GNAO1: variants seen among roughly 807,000 people sequenced by gnomAD.
GNAO1 encodes the protein guanine nucleotide-binding protein G(o) subunit alpha.
For missense variants in GNAO1, 166 were observed against 478.7 expected, an observed-to-expected ratio of 0.35 and a Z score of 6.10; for synonymous variants, 164 against 180.7, an observed-to-expected ratio of 0.91 and a Z score of 0.74.
chr16:56,320,727 C>T (rs1384627743), intron 3 of GNAO1, among the ~76,000 whole-genome samples: 1 of 152,192 alleles, frequency 6.6e-6, no homozygotes, highest in Non-Finnish European at 1.5e-5. Flanking sequence ...ACCCATCCCA[C>T]CTGCACCTAT....
At chr16:56,243,594 A>C (rs1305192222) in intron 2 of GNAO1, among the ~76,000 whole-genome samples, 2 of 152,248 alleles carry the variant, frequency 1.3e-5, no homozygotes, top group African/African-American at 2.4e-5. Context: ...CATCAGGGAA[A>C]TGGATGGAGA....
intron 2 of GNAO1, among the ~76,000 whole-genome samples, chr16:56,244,768 G>A (rs780295782): frequency 3.3e-5 from 5 of 152,148 alleles, no homozygotes; most frequent in Admixed American, 2.6e-4. Context: ...GGGCTGGCCA[G>A]TATAGCCAAG....
chr16:56,343,329 AAATAATAATAAT>A (rs59805466), intron 6 of GNAO1, among the ~76,000 whole-genome samples: 1 of 146,782 alleles, frequency 6.8e-6, no homozygotes, highest in Non-Finnish European at 1.5e-5. Context: ...TCTGTATTAA[AAATAATAATAAT>A]AATAATAATA....
intron 2 of GNAO1, among the ~76,000 whole-genome samples, chr16:56,240,384 G>T (rs896339856): frequency 6.6e-6 from 1 of 152,152 alleles, no homozygotes; most frequent in Non-Finnish European, 1.5e-5. Flanking sequence ...TGCCTCTGGT[G>T]TCTGGCTGGG....
chr16:56,331,873 G>A (rs572217817), intron 4 of GNAO1, among the ~76,000 whole-genome samples: 3 of 152,244 alleles, frequency 2.0e-5, no homozygotes, highest in African/African-American at 4.8e-5. Flanking sequence ...ACATGAGCCC[G>A]TGGAACCCCT....
intron 2 of GNAO1, among the ~76,000 whole-genome samples, chr16:56,251,551 A>G (rs1353385592): frequency 1.3e-5 from 2 of 152,208 alleles, no homozygotes; most frequent in African/African-American, 4.8e-5. Context: ...AGGAAAAAGG[A>G]TTGTAATATA....
At chr16:56,256,413 G>C (rs1186845093) in intron 2 of GNAO1, among the ~76,000 whole-genome samples, 2 of 151,024 alleles carry the variant, frequency 1.3e-5, no homozygotes, top group African/African-American at 4.9e-5. Flanking sequence ...GTCTTCCTTG[G>C]CCAAGTTCTT....
rs1052406673 is a variant in GNAO1 at position 56,337,680 on chromosome 16, G to T, written c.723+820G>T. Among the ~76,000 whole-genome samples, 8 of 151,156 alleles carry T rather than the reference G, an allele frequency of 5.3e-5. 1 individual carries two copies. The East Asian group carries it at 1.2e-3, about 22-fold the overall frequency. On this transcript the variant is annotated intron_variant, in intron 6 of 8. Coordinates refer to ENST00000262493, the MANE Select transcript of GNAO1 (RefSeq NM_020988.3). ...CTGCCTGTGGGGGGCTGTTGGCAGT[G>T]GGGTGGGTGATGCGTGTGCAGCGCT... is the stretch of plus-strand genomic sequence containing the variant.
chr16:56,194,380 G>T, intron 2 of GNAO1: 2 of 416,418 alleles, frequency 4.8e-6, no homozygotes, highest in South Asian at 3.4e-5. Context: ...TCCCGAGGGG[G>T]GACGTTTTAA....
In GNAO1 at chr16:56,347,601, C is replaced by G. The variant is rs571112381; in HGVS notation, c.724-3783C>G. On this transcript the variant is annotated intron_variant, in intron 6 of 8. Coordinates refer to ENST00000262493, the MANE Select transcript of GNAO1 (RefSeq NM_020988.3). ...AAAGAATGGCCCCCAGTCCAAACTC[C>G]TGGATCCCCTCCATGAGAGAGGGGC... 1.5e-5 allele frequency: 15 copies of G among 983,758 alleles called. No homozygotes were observed. In the East Asian group the frequency reaches 1.4e-3, roughly 90 times the overall value. The allele number at this position is 983,758 out of a possible 1,614,324, so 60.9% of individuals were successfully genotyped here.
At chr16:56,219,600 G>T (rs534965568) in intron 2 of GNAO1, among the ~76,000 whole-genome samples, 11 of 152,266 alleles carry the variant, frequency 7.2e-5, no homozygotes, top group African/African-American at 2.4e-4. Flanking sequence ...CAGAAAAAGA[G>T]ACTAATGCAC....
At chr16:56,343,060 T>C (rs1332407706) in intron 6 of GNAO1, among the ~76,000 whole-genome samples, 1 of 149,836 alleles carries the variant, frequency 6.7e-6, no homozygotes, top group African/African-American at 2.5e-5. Flanking sequence ...ATCACACCAC[T>C]GCACTCCAGC....
chr16:56,301,497 G>T (rs2143584739), intron 3 of GNAO1, among the ~76,000 whole-genome samples: 1 of 152,342 alleles, frequency 6.6e-6, no homozygotes, highest in Non-Finnish European at 1.5e-5. Context: ...GCATGAAGAG[G>T]CTGCAAGAAG....
chr16:56,239,396 A>G (rs1357663437), intron 2 of GNAO1, among the ~76,000 whole-genome samples: 3 of 152,252 alleles, frequency 2.0e-5, no homozygotes, highest in African/African-American at 7.2e-5. Flanking sequence ...GTGCTTTAAT[A>G]AAAGGCCACT....
chr16:56,320,376 GT>G (rs1249007302), intron 3 of GNAO1, among the ~76,000 whole-genome samples: 1 of 152,176 alleles, frequency 6.6e-6, no homozygotes, highest in Non-Finnish European at 1.5e-5. Context: ...AGTGCCCTCC[GT>G]TTGCTCACAC....
chr16:56,348,594 CTT>C (rs1256930220), intron 6 of GNAO1, among the ~76,000 whole-genome samples: 4 of 152,226 alleles, frequency 2.6e-5, no homozygotes, highest in Non-Finnish European at 5.9e-5. Flanking sequence ...ACTTCTTTCT[CTT>C]TTCTCAAATG....
At chr16:56,219,217 T>G (rs1261075733) in intron 2 of GNAO1, among the ~76,000 whole-genome samples, 1 of 152,208 alleles carries the variant, frequency 6.6e-6, no homozygotes, top group Non-Finnish European at 1.5e-5. Context: ...CACTGGGTCT[T>G]GTTTGAAACC....
chr16:56,349,446 G>T (rs1298063398), intron 6 of GNAO1, among the ~76,000 whole-genome samples: 3 of 152,186 alleles, frequency 2.0e-5, no homozygotes, highest in African/African-American at 7.2e-5. Context: ...ACAGCCCGAG[G>T]CCCTGGACAC....
intron 2 of GNAO1, among the ~76,000 whole-genome samples, chr16:56,233,569 G>A (rs1414376731): frequency 1.3e-5 from 2 of 152,214 alleles, no homozygotes; most frequent in Non-Finnish European, 2.9e-5. Context: ...GAAGCAGAGC[G>A]TGAGGTGATT....
Sources: allele counts gnomAD v4.1 joint callset (sites outside exome capture counted in the v4.1 genomes callset), GRCh38; gene constraint gnomAD v4.1.1; transcripts MANE v1.5; gene names NCBI Gene and HGNC (gene_info 2026-07-23, HGNC 2026-07-21).